Variants in MRPS27 observed in about 807,000 individuals in gnomAD.
MRPS27 encodes the protein mitochondrial ribosomal protein S27, also known as small ribosomal subunit protein mS27.
A neutral mutation model predicts 48.9 loss-of-function variants in MRPS27; 43 were observed. The ratio of observed to expected loss-of-function variants is 0.88; its 90% confidence interval spans 0.69 to 1.13. The LOEUF is 1.13. Among genes scored for constraint, MRPS27 ranks in the 50% most tolerant of loss-of-function variants. The pLI is 0.00. For synonymous variants in MRPS27, 188 were observed against 171.9 expected (o/e 1.09, Z -0.73); for missense variants, 467 against 476.3 (o/e 0.98, Z 0.18).
In MRPS27 at chr5:72,219,497, C is replaced by T. The variant is rs1483057303; in HGVS notation, c.*1412G>A. 1 of 152,044 alleles carries T rather than the reference C, an allele frequency of 6.6e-6. No individual in the cohort carries two copies. The highest frequency in any genetic ancestry group is 6.5e-5 in the Admixed American group (1 of 15,276). The allele number at this position is 152,044 out of a possible 1,614,324, so 9.4% of individuals were successfully genotyped here. On this transcript the variant is annotated 3_prime_UTR_variant, in exon 11 of 11. Coordinates refer to ENST00000261413, the MANE Select transcript of MRPS27 (RefSeq NM_015084.3). Reference sequence around the variant, plus strand: ...CAATAATGAGTCCCTCTCCCTCCTCCCTTTCCCCAAAGATAAAGAGTACAC... The same window carrying T: ...CAATAATGAGTCCCTCTCCCTCCTCTCTTTCCCCAAAGATAAAGAGTACAC...
intron 4 of MRPS27, among the ~76,000 whole-genome samples, chr5:72,254,418 C>G (rs993621530): frequency 6.6e-6 from 1 of 151,962 alleles, no homozygotes; most frequent in Non-Finnish European, 1.5e-5. Context: ...AAAAAGAGAC[C>G]AAGGGAGAAA....
At chr5:72,289,491 G>A (rs1414447523) in intron 4 of MRPS27, among the ~76,000 whole-genome samples, 1 of 151,592 alleles carries the variant, frequency 6.6e-6, no homozygotes, top group African/African-American at 2.4e-5. Context: ...GTATGACCTC[G>A]GTTCACTGCA....
chr5:72,292,887 G>A (rs770830881), intron 4 of MRPS27, among the ~76,000 whole-genome samples: 6 of 152,124 alleles, frequency 3.9e-5, no homozygotes, highest in Non-Finnish European at 7.4e-5. Context: ...CAAGCTGTGA[G>A]TTGTATAAAA....
intron 6 of MRPS27, among the ~76,000 whole-genome samples, 174 bp from the exon 7 acceptor site, chr5:72,232,732 T>C (rs1180842109): frequency 6.6e-6 from 1 of 152,182 alleles, no homozygotes; most frequent in East Asian, 1.9e-4. Flanking sequence ...AAACAAGGTT[T>C]TTCCTCAGCC....
intron 4 of MRPS27, among the ~76,000 whole-genome samples, chr5:72,274,614 T>C (rs1749326606): frequency 6.6e-6 from 1 of 152,270 alleles, no homozygotes; most frequent in South Asian, 2.1e-4. Context: ...TGATAAAATG[T>C]ATAATATAGT....
intron 2 of MRPS27, chr5:72,307,829 C>T (rs1750315343): frequency 6.6e-6 from 1 of 152,160 alleles, no homozygotes; most frequent in Non-Finnish European, 1.5e-5. Context: ...GTCTATATTA[C>T]GACTTGCACA....
intron 4 of MRPS27, among the ~76,000 whole-genome samples, chr5:72,268,471 A>G (rs1749153912): frequency 6.6e-6 from 1 of 152,212 alleles, no homozygotes; most frequent in East Asian, 1.9e-4. Context: ...TACTTTCAGG[A>G]GGATGAAACA....
At chr5:72,247,968 T>G (rs1405168407) in intron 4 of MRPS27, among the ~76,000 whole-genome samples, 1 of 152,224 alleles carries the variant, frequency 6.6e-6, no homozygotes, top group African/African-American at 2.4e-5. Flanking sequence ...ACTTATTATT[T>G]GTGAGTCCAA....
rs374789961 is a variant in MRPS27, at chr5:72,247,978, A to G, written c.282-9850T>C. Among the ~76,000 whole-genome samples, 9 of 152,340 alleles carry G rather than the reference A, an allele frequency of 5.9e-5. No individual in the cohort carries two copies. In the East Asian group the frequency reaches 9.6e-4, roughly 16 times the overall value. On this transcript the variant is annotated intron_variant, in intron 4 of 10. Coordinates refer to ENST00000261413, the MANE Select transcript of MRPS27 (RefSeq NM_015084.3). ...TTGAGACTTATTATTTGTGAGTCCA[A>G]TTGGTTTTTAGAAAGGTTTACTTTA... is the stretch of plus-strand genomic sequence containing the variant.
At chr5:72,303,882 C>CAAAAAAAAA (rs397818748) in intron 2 of MRPS27, among the ~76,000 whole-genome samples, 7 of 69,162 alleles carry the variant, frequency 1.0e-4, no homozygotes, top group South Asian at 5.8e-4. Flanking sequence ...GACCTCATCT[C>CAAAAAAAAA]AAAAAAAAAA....
intron 8 of MRPS27, chr5:72,227,575 G>A (rs1323122910): frequency 6.6e-6 from 1 of 152,172 alleles, no homozygotes; most frequent in East Asian, 1.9e-4. Context: ...CGATGGGAGA[G>A]TAATGAAATA....
chr5:72,263,492 A>T (rs1749035477), intron 4 of MRPS27, among the ~76,000 whole-genome samples: 1 of 151,276 alleles, frequency 6.6e-6, no homozygotes, highest in Non-Finnish European at 1.5e-5. Context: ...GACAACTTAC[A>T]GAGTGAAATA....
Position 72,320,024 on chromosome 5 carries a change from A to G in MRPS27, c.73+125T>C, listed in dbSNP as rs748116647. 1.3e-5 allele frequency: 13 copies of G among 977,188 alleles called. No individual in the cohort carries two copies. In the Admixed American group the frequency reaches 2.5e-4, roughly 19 times the overall value. The allele number at this position is 977,188 out of a possible 1,614,324, so 60.5% of individuals were successfully genotyped here. On this transcript the variant is annotated intron_variant, in intron 1 of 10. Transcript: ENST00000261413. ...CCTTGTCTCCTTCTTCTGCACTACC[A>G]AACACCCCAAATGGCGTCCCTAGCA...
intron 2 of MRPS27, among the ~76,000 whole-genome samples, chr5:72,310,162 T>C (rs1451619736): frequency 6.6e-6 from 1 of 152,256 alleles, no homozygotes; most frequent in Non-Finnish European, 1.5e-5. Context: ...TGTGTACATG[T>C]ATGTTTATGT....
chr5:72,316,266 A>G (rs1419885012), intron 1 of MRPS27, among the ~76,000 whole-genome samples: 3 of 152,190 alleles, frequency 2.0e-5, no homozygotes, highest in Middle Eastern at 3.2e-3. Context: ...ATGGGCATGG[A>G]ATTTCTTTTT....
chr5:72,294,828 TTGAG>T (rs1749934527), intron 4 of MRPS27: 1 of 151,952 alleles, frequency 6.6e-6, no homozygotes, highest in Admixed American at 6.6e-5. Context: ...TACATACAGA[TTGAG>T]TATCTCTAAT....
In MRPS27 at chr5:72,241,583, T is replaced by A. The variant is rs571368472; in HGVS notation, c.282-3455A>T. On this transcript the variant is annotated intron_variant, in intron 4 of 10. Transcript: ENST00000261413. ...TTTAAGCAGTTCAGACAAATAAATG[T>A]GGGGACTTTTCAACTTCCAGTAGTA... The A allele has an allele frequency of 6.7e-5, 96 of 1,434,574 alleles. No individual in the cohort carries two copies. The African/African-American group carries it at 1.2e-3, about 18-fold the overall frequency. The allele number at this position is 1,434,574 out of a possible 1,614,324, so 88.9% of individuals were successfully genotyped here.
intron 4 of MRPS27, among the ~76,000 whole-genome samples, chr5:72,290,700 AG>A (rs1749794611): frequency 6.6e-6 from 1 of 152,242 alleles, no homozygotes; most frequent in Admixed American, 6.5e-5. Flanking sequence ...TATTAACAAG[AG>A]GGCGTGTGGA....
intron 4 of MRPS27, among the ~76,000 whole-genome samples, chr5:72,269,071 T>G (rs1749169370): frequency 6.6e-6 from 1 of 152,186 alleles, no homozygotes; most frequent in Non-Finnish European, 1.5e-5. Context: ...CTTGCTCTGA[T>G]TACATTATTT....
Sources: allele counts gnomAD v4.1 joint callset (sites outside exome capture counted in the v4.1 genomes callset), GRCh38; gene constraint gnomAD v4.1.1; transcripts MANE v1.5; gene names NCBI Gene and HGNC (gene_info 2026-07-23, HGNC 2026-07-21).